Variants in ALK observed in about 807,000 individuals in gnomAD.
ALK encodes the protein ALK tyrosine kinase receptor.
In ALK, 74 loss-of-function variants were observed where a neutral mutation model predicts 163.1. That is an observed-to-expected ratio of 0.45 (90% confidence interval 0.38 to 0.55). ALK has a LOEUF of 0.55. Ranked by LOEUF, ALK falls within the 20% of genes least tolerant of loss-of-function variation. The probability of loss-of-function intolerance (pLI) is 0.00; values close to 1 mark genes in which losing one functional copy is unlikely to be tolerated. For missense variants in ALK, 2,063 were observed against 2,105.3 expected (o/e 0.98, Z 0.39); for synonymous variants, 960 against 843.2 (o/e 1.14, Z -2.40).
chr2:29,588,923 C>A (rs1674967909), intron 3 of ALK, among the ~76,000 whole-genome samples: 1 of 152,160 alleles, frequency 6.6e-6, no homozygotes, highest in South Asian at 2.1e-4. Flanking sequence ...TGTTTCAGCA[C>A]CTTACTGAAT....
chr2:29,773,704 G>A (rs1681091769), intron 1 of ALK, among the ~76,000 whole-genome samples: 1 of 152,180 alleles, frequency 6.6e-6, no homozygotes, highest in African/African-American at 2.4e-5. Context: ...GGCATTAAGT[G>A]CTAAATGCAT....
intron 4 of ALK, among the ~76,000 whole-genome samples, chr2:29,480,911 A>G (rs1030548783): frequency 2.6e-5 from 4 of 152,160 alleles, no homozygotes; most frequent in African/African-American, 7.2e-5. Flanking sequence ...GGCAAGGCCA[A>G]AGATTCTGCA....
intron 19 of ALK, chr2:29,223,912 A>G (rs1037948825): frequency 2.6e-6 from 1 of 379,906 alleles, no homozygotes; most frequent in African/African-American, 2.0e-5. Flanking sequence ...GTGAACCAGC[A>G]GACTGTGTTG....
chr2:29,594,679 G>A (rs555274326), intron 3 of ALK, among the ~76,000 whole-genome samples: 2 of 151,742 alleles, frequency 1.3e-5, no homozygotes, highest in East Asian at 3.9e-4. Context: ...CATCCACCTG[G>A]GCCTCCGAAA....
At chr2:29,712,000 A>T (rs77497042) in intron 2 of ALK, among the ~76,000 whole-genome samples, 2,577 of 152,234 alleles carry the variant, frequency 0.017, 72 homozygotes, top group African/African-American at 0.057. Context: ...ACTTGCCACC[A>T]ACATAGAGAT....
chr2:29,709,565 G>A (rs1308039489), intron 2 of ALK, among the ~76,000 whole-genome samples: 3 of 152,216 alleles, frequency 2.0e-5, no homozygotes, highest in South Asian at 4.2e-4. Flanking sequence ...GAGTGATAAC[G>A]CAGGACCACA....
intron 3 of ALK, among the ~76,000 whole-genome samples, chr2:29,558,482 A>G (rs1673925163): frequency 6.6e-6 from 1 of 152,084 alleles, no homozygotes; most frequent in Admixed American, 6.6e-5. Flanking sequence ...CCAACCCACA[A>G]GACTGGTCAC....
At chr2:29,454,488 A>G (rs919567128) in intron 4 of ALK, among the ~76,000 whole-genome samples, 10 of 152,092 alleles carry the variant, frequency 6.6e-5, no homozygotes, top group African/African-American at 2.4e-4. Flanking sequence ...TTTGATCCTC[A>G]GTTGGTTGAA....
chr2:29,315,906 C>T (rs4519470), intron 8 of ALK, among the ~76,000 whole-genome samples: 13,532 of 152,196 alleles, frequency 0.089, 695 homozygotes, highest in African/African-American at 0.13. Context: ...AGTCGCCAGT[C>T]CCTGTAGGCC....
At chr2:29,475,521 A>G (rs1443219398) in intron 4 of ALK, among the ~76,000 whole-genome samples, 1 of 152,086 alleles carries the variant, frequency 6.6e-6, no homozygotes, top group Non-Finnish European at 1.5e-5. Context: ...ATTCCTGAAC[A>G]GTCTCGGGCC....
intron 1 of ALK, among the ~76,000 whole-genome samples, chr2:29,873,304 C>G (rs1666623217): frequency 6.6e-6 from 1 of 152,122 alleles, no homozygotes; most frequent in African/African-American, 2.4e-5. Flanking sequence ...ATATCCAGAG[C>G]CAGAATGACA....
At chr2:29,587,158 G>C (rs1219072476) in intron 3 of ALK, among the ~76,000 whole-genome samples, 1 of 152,234 alleles carries the variant, frequency 6.6e-6, no homozygotes, top group Non-Finnish European at 1.5e-5. Flanking sequence ...CCTTGGGGGA[G>C]GGGTAGGATA....
At chr2:29,861,956 T>C (rs1666303827) in intron 1 of ALK, among the ~76,000 whole-genome samples, 1 of 152,162 alleles carries the variant, frequency 6.6e-6, no homozygotes, top group Non-Finnish European at 1.5e-5. Flanking sequence ...ATCCCTCGGA[T>C]GCAAGGATGG....
intron 8 of ALK, among the ~76,000 whole-genome samples, chr2:29,315,781 G>A (rs749637964): frequency 2.0e-5 from 3 of 152,198 alleles, no homozygotes; most frequent in Non-Finnish European, 2.9e-5. Flanking sequence ...ATCCACTGAT[G>A]ATTGTGGTGT....
chr2:29,386,606 C>T (rs1669037723), intron 4 of ALK, among the ~76,000 whole-genome samples: 1 of 152,190 alleles, frequency 6.6e-6, no homozygotes, highest in Admixed American at 6.5e-5. Flanking sequence ...ATTCCAGGTA[C>T]ACAGCGGCCC....
intron 3 of ALK, among the ~76,000 whole-genome samples, chr2:29,620,491 T>G (rs1383402163): frequency 7.4e-6 from 1 of 135,576 alleles, no homozygotes; most frequent in African/African-American, 2.8e-5. Context: ...TTCTCTTTTT[T>G]TTTGCGGGGT....
At chr2:29,903,399 C>T (rs1011287181) in intron 1 of ALK, among the ~76,000 whole-genome samples, 2 of 152,144 alleles carry the variant, frequency 1.3e-5, no homozygotes, top group Admixed American at 6.5e-5. Flanking sequence ...TTCACTGATT[C>T]AGCAAATATT....
chr2:29,683,359 AG>A lies in ALK; in HGVS notation c.952+11490del, dbSNP rs549823567. Among the ~76,000 whole-genome samples the A allele has an allele frequency of 3.7e-4, 56 of 152,314 alleles. 1 individual carries two copies. Among genetic ancestry groups the A allele is most frequent in the African/African-American group, 1.1e-3 (44 of 41,572 alleles). ...GTCACTGCACTCCAGCCTGGGCAAC[AG>A]AGTAAGACTCTGTCTCAAGAAAGAA... is the stretch of plus-strand genomic sequence containing the variant. On this transcript the variant is annotated intron_variant, in intron 3 of 28. Coordinates refer to ENST00000389048, the MANE Select transcript of ALK (RefSeq NM_004304.5).
intron 2 of ALK, among the ~76,000 whole-genome samples, chr2:29,712,575 G>A (rs963913795): frequency 2.0e-5 from 3 of 152,114 alleles, no homozygotes; most frequent in Non-Finnish European, 4.4e-5. Flanking sequence ...TACAGAGCCA[G>A]AGGTCCTTTG....
Sources: allele counts gnomAD v4.1 joint callset (sites outside exome capture counted in the v4.1 genomes callset), GRCh38; gene constraint gnomAD v4.1.1; transcripts MANE v1.5; gene names NCBI Gene and HGNC (gene_info 2026-07-23, HGNC 2026-07-21).